The following CDH18 variants were observed in gnomAD, a reference collection of about 807,000 sequenced individuals.
CDH18 encodes cadherin-18.
Under a neutral mutation model 67.9 loss-of-function variants are expected in CDH18, and 31 were observed. That is an observed-to-expected ratio of 0.46 (90% CI 0.34 to 0.62). The LOEUF is 0.62. CDH18 is among the 20% of genes least tolerant of loss of function. The pLI, the probability that CDH18 is intolerant of heterozygous loss-of-function variation, is 0.01. For synonymous variants in CDH18, 362 were observed against 347.2 expected (o/e 1.04, Z -0.48); for missense variants, 890 against 975.5 (o/e 0.91, Z 1.17).
chr5:20,047,165 C>G (rs938240791), intron 2 of CDH18, among the ~76,000 whole-genome samples: 2 of 151,480 alleles, frequency 1.3e-5, no homozygotes, highest in Non-Finnish European at 1.5e-5. Flanking sequence ...GCAGGAGAGA[C>G]GAGGCAGGGG....
intron 3 of CDH18, among the ~76,000 whole-genome samples, chr5:19,763,198 G>A (rs552389340): frequency 6.6e-6 from 1 of 152,282 alleles, no homozygotes; most frequent in African/African-American, 2.4e-5. Flanking sequence ...GTATACATAT[G>A]TGACAAACCT....
At chr5:19,864,123 CA>C (rs1323762153) in intron 2 of CDH18, among the ~76,000 whole-genome samples, 1 of 150,536 alleles carries the variant, frequency 6.6e-6, no homozygotes, top group African/African-American at 2.5e-5. Flanking sequence ...GACTTGGAAC[CA>C]ACCCAAATGT....
At chr5:19,846,265 C>G (rs532272702) in intron 2 of CDH18, among the ~76,000 whole-genome samples, 5 of 152,084 alleles carry the variant, frequency 3.3e-5, no homozygotes, top group South Asian at 4.1e-4. Context: ...AAATTATATT[C>G]AATTAAATAT....
chr5:19,764,349 A>G (rs565223774), intron 3 of CDH18, among the ~76,000 whole-genome samples: 1 of 152,186 alleles, frequency 6.6e-6, no homozygotes, highest in Admixed American at 6.5e-5. Context: ...CTGAAGAACT[A>G]CCCATAATTT....
At chr5:20,563,256 T>A (rs923943701) in intron 1 of CDH18, among the ~76,000 whole-genome samples, 2 of 152,090 alleles carry the variant, frequency 1.3e-5, no homozygotes, top group African/African-American at 4.8e-5. Flanking sequence ...AATGTTGACA[T>A]ATGTGAGAGC....
At chr5:20,151,830 C>G (rs1175938619) in intron 2 of CDH18, among the ~76,000 whole-genome samples, 1 of 151,788 alleles carries the variant, frequency 6.6e-6, no homozygotes, top group African/African-American at 2.4e-5. Flanking sequence ...GAAATGGTCT[C>G]AGTAGAATCA....
intron 1 of CDH18, among the ~76,000 whole-genome samples, chr5:20,531,703 A>G (rs62352734): frequency 6.6e-6 from 1 of 152,050 alleles, no homozygotes; most frequent in Non-Finnish European, 1.5e-5. Context: ...ACACATGAAC[A>G]CAGAAAGGGG....
At chr5:19,577,524 T>C (rs1169455924) in intron 7 of CDH18, among the ~76,000 whole-genome samples, 2 of 152,194 alleles carry the variant, frequency 1.3e-5, no homozygotes, top group African/African-American at 4.8e-5. Context: ...TAATTTGTTT[T>C]CTAATTTCAC....
At chr5:19,752,281 G>A (rs549412813) in intron 3 of CDH18, among the ~76,000 whole-genome samples, 9 of 152,084 alleles carry the variant, frequency 5.9e-5, no homozygotes, top group Non-Finnish European at 7.4e-5. Context: ...GTTAGCCGGC[G>A]GTAAGTCCTC....
intron 2 of CDH18, among the ~76,000 whole-genome samples, chr5:20,253,045 C>A (rs1013598149): frequency 1.3e-5 from 2 of 152,034 alleles, no homozygotes; most frequent in African/African-American, 4.8e-5. Flanking sequence ...GATAAGATGG[C>A]TGATTACATG....
At chr5:19,637,867 A>G (rs554311512) in intron 5 of CDH18, among the ~76,000 whole-genome samples, 21 of 152,284 alleles carry the variant, frequency 1.4e-4, no homozygotes, top group African/African-American at 4.8e-4. Flanking sequence ...CCAAAACCCA[A>G]TGCAATGGTT....
intron 3 of CDH18, among the ~76,000 whole-genome samples, chr5:19,797,430 T>C (rs2149834663): frequency 6.6e-6 from 1 of 151,820 alleles, no homozygotes; most frequent in Non-Finnish European, 1.5e-5. Flanking sequence ...ATGTAGCAAA[T>C]CCCAATGAAT....
intron 7 of CDH18, among the ~76,000 whole-genome samples, chr5:19,585,864 C>T (rs1580346255): frequency 6.6e-6 from 1 of 152,106 alleles, no homozygotes; most frequent in East Asian, 1.9e-4. Flanking sequence ...TCCATTGTAG[C>T]AAAGAATAAT....
chr5:20,356,844 T>C (rs997677640), intron 1 of CDH18, among the ~76,000 whole-genome samples: 6 of 148,216 alleles, frequency 4.0e-5, no homozygotes, highest in African/African-American at 1.5e-4. Context: ...TATACACACA[T>C]ATATATACAC....
intron 3 of CDH18, among the ~76,000 whole-genome samples, chr5:19,778,486 CTTAG>C (rs2149771486): frequency 6.6e-6 from 1 of 152,184 alleles, no homozygotes; most frequent in Non-Finnish European, 1.5e-5. Flanking sequence ...TATAAATGAC[CTTAG>C]CCAGATGATG....
chr5:19,587,327 C>T (rs954453001), intron 7 of CDH18, among the ~76,000 whole-genome samples: 1 of 152,120 alleles, frequency 6.6e-6, no homozygotes, highest in Non-Finnish European at 1.5e-5. Flanking sequence ...GCTTTTGTTG[C>T]AATTGCTTTA....
chr5:19,579,985 G>A (rs1270668006), intron 7 of CDH18, among the ~76,000 whole-genome samples: 1 of 151,644 alleles, frequency 6.6e-6, no homozygotes, highest in Admixed American at 6.6e-5. Context: ...TAATATTTAG[G>A]TAGATTATTC....
chr5:19,823,063 G>C (rs1780044052), intron 3 of CDH18, among the ~76,000 whole-genome samples: 1 of 152,180 alleles, frequency 6.6e-6, no homozygotes. Flanking sequence ...GAGAAATATG[G>C]CTCTGTTCCG....
chr5:19,866,205 TAATA>T (rs2150000747), intron 2 of CDH18, among the ~76,000 whole-genome samples: 1 of 152,316 alleles, frequency 6.6e-6, no homozygotes, highest in South Asian at 2.1e-4. Context: ...GGCGTTTCTA[TAATA>T]AAACTCTGAG....
Sources: gnomAD v4.1 joint callset for allele counts (sites outside exome capture counted in the v4.1 genomes callset) on GRCh38, gnomAD v4.1.1 for gene constraint, MANE v1.5 for transcripts, NCBI Gene and HGNC (gene_info 2026-07-23, HGNC 2026-07-21) for gene names.